CSMD1: variants seen among roughly 807,000 people sequenced by gnomAD.
CSMD1 encodes the protein CUB and sushi domain-containing protein 1.
Under a neutral mutation model 417.5 loss-of-function variants are expected in CSMD1, and 213 were observed. That is an observed-to-expected ratio of 0.51 (90% CI 0.46 to 0.57). The LOEUF (loss-of-function observed/expected upper bound fraction) is 0.57, where lower values mean the gene tolerates loss of function less well. CSMD1 is among the 20% of genes least tolerant of loss of function. CSMD1 has a pLI of 0.00. For synonymous variants in CSMD1, 2,862 were observed against 1,736.8 expected, an observed-to-expected ratio of 1.65 and a Z score of -16.11; for missense variants, 6,923 against 4,529.7, an observed-to-expected ratio of 1.53 and a Z score of -15.17.
chr8:4,053,212 G>T lies in CSMD1; in HGVS notation c.416-21113C>A, dbSNP rs192978387. Among the ~76,000 whole-genome samples the T allele has an allele frequency of 2.9e-3, 439 of 152,282 alleles. 2 individuals are homozygous for T. Among genetic ancestry groups the T allele is most frequent in the African/African-American group, 0.01 (420 of 41,556 alleles). ...TGAAAATATAACACGTTATTAAAAAGTCACTAACAACAGCACCGTGTGTTT... is the reference window on the plus strand; with the variant it reads ...TGAAAATATAACACGTTATTAAAAATTCACTAACAACAGCACCGTGTGTTT... On this transcript the variant is annotated intron_variant, in intron 3 of 69. Coordinates refer to ENST00000635120, the MANE Select transcript of CSMD1 (RefSeq NM_033225.6).
intron 49 of CSMD1, among the ~76,000 whole-genome samples, chr8:3,054,041 G>T (rs564733701): frequency 6.6e-6 from 1 of 152,084 alleles, no homozygotes; most frequent in South Asian, 2.1e-4. Flanking sequence ...CTAACCTAAG[G>T]TGACACAATG....
rs143616355 is a variant in CSMD1, at chr8:4,521,723, A to C, written c.303-101658T>G. Among the ~76,000 whole-genome samples the C allele has an allele frequency of 9.3e-4, 142 of 152,314 alleles. 3 individuals are homozygous for C. In the East Asian group the frequency reaches 0.023, roughly 24 times the overall value. ...TCTGGTATAAGCCAAACATTTCAAT[A>C]GACATAGCTCATAAGAACAGAAGGC... On this transcript the variant is annotated intron_variant, in intron 2 of 69. Transcript: ENST00000635120.
At chr8:4,108,541 G>T (rs901684726) in intron 3 of CSMD1, among the ~76,000 whole-genome samples, 1 of 152,156 alleles carries the variant, frequency 6.6e-6, no homozygotes, top group African/African-American at 2.4e-5. Flanking sequence ...AACCCCAACT[G>T]TTTTCCCAGA....
intron 2 of CSMD1, among the ~76,000 whole-genome samples, chr8:4,469,936 C>T (rs905367786): frequency 6.7e-6 from 1 of 150,040 alleles, no homozygotes; most frequent in African/African-American, 2.5e-5. Flanking sequence ...GGTGTGATCT[C>T]GGCTCACTGC....
At chr8:4,667,749 A>C (rs745789620) in intron 1 of CSMD1, among the ~76,000 whole-genome samples, 1 of 152,224 alleles carries the variant, frequency 6.6e-6, no homozygotes, top group Non-Finnish European at 1.5e-5. Flanking sequence ...GGTTTCAGTA[A>C]CATTCTTGTA....
At chr8:3,256,020 C>T (rs766469771) in intron 26 of CSMD1, among the ~76,000 whole-genome samples, 6 of 152,086 alleles carry the variant, frequency 3.9e-5, no homozygotes, top group Non-Finnish European at 7.4e-5. Context: ...CATCCAAGTA[C>T]ACATTTTTAT....
At chr8:3,719,986 A>C (rs1318980097) in intron 6 of CSMD1, among the ~76,000 whole-genome samples, 2 of 152,236 alleles carry the variant, frequency 1.3e-5, no homozygotes, top group African/African-American at 2.4e-5. Flanking sequence ...AGCTGTGGTG[A>C]AGATTACATG....
intron 3 of CSMD1, among the ~76,000 whole-genome samples, chr8:4,362,935 C>T (rs1423260947): frequency 6.6e-6 from 1 of 152,090 alleles, no homozygotes; most frequent in Non-Finnish European, 1.5e-5. Context: ...ACTGTTAGGA[C>T]AAGTCTATGT....
At chr8:4,923,270 A>C (rs535215510) in intron 1 of CSMD1, among the ~76,000 whole-genome samples, 1 of 152,214 alleles carries the variant, frequency 6.6e-6, no homozygotes, top group South Asian at 2.1e-4. Context: ...TTCACACTTG[A>C]CTCACTCATG....
At chr8:3,283,397 G>T (rs1457072961) in intron 26 of CSMD1, among the ~76,000 whole-genome samples, 1 of 152,042 alleles carries the variant, frequency 6.6e-6, no homozygotes, top group Non-Finnish European at 1.5e-5. Context: ...TTGCATCCAA[G>T]TCTAGAAATT....
chr8:3,443,742 G>C (rs942708578), intron 12 of CSMD1, among the ~76,000 whole-genome samples: 54 of 152,168 alleles, frequency 3.5e-4, no homozygotes, highest in Non-Finnish European at 6.8e-4. Flanking sequence ...TCTAGCAATG[G>C]ACAGCTTTAA....
At chr8:4,621,160 T>C (rs1293026158) in intron 2 of CSMD1, among the ~76,000 whole-genome samples, 7 of 152,202 alleles carry the variant, frequency 4.6e-5, no homozygotes, top group African/African-American at 1.4e-4. Context: ...TTTCGAATTT[T>C]GGAATATATG....
chr8:4,614,314 G>C (rs138469943), intron 2 of CSMD1, among the ~76,000 whole-genome samples: 1 of 152,266 alleles, frequency 6.6e-6, no homozygotes, highest in East Asian at 1.9e-4. Flanking sequence ...AAACTCTGTA[G>C]AAAATCCTGT....
intron 6 of CSMD1, among the ~76,000 whole-genome samples, chr8:3,737,118 T>G (rs550037374): frequency 1.3e-5 from 2 of 152,244 alleles, no homozygotes; most frequent in Admixed American, 1.3e-4. Flanking sequence ...TCCCATATTA[T>G]ATTTTAATCT....
chr8:3,411,311 A>C (rs544956946), intron 12 of CSMD1, among the ~76,000 whole-genome samples: 27 of 152,268 alleles, frequency 1.8e-4, no homozygotes, highest in African/African-American at 6.5e-4. Flanking sequence ...TGCAGGGGCC[A>C]AGAGCAAATT....
At chr8:4,440,718 G>T (rs1270585861) in intron 2 of CSMD1, among the ~76,000 whole-genome samples, 3 of 152,070 alleles carry the variant, frequency 2.0e-5, no homozygotes, top group African/African-American at 7.2e-5. Flanking sequence ...AATTCTGGCC[G>T]GGTGTGGTGG....
chr8:4,623,911 G>C (rs1419956387), intron 2 of CSMD1, among the ~76,000 whole-genome samples: 1 of 152,088 alleles, frequency 6.6e-6, no homozygotes, highest in African/African-American at 2.4e-5. Context: ...TCGTTAGCTT[G>C]ATGGTGGTGG....
At chr8:3,870,825 G>C (rs903368181) in intron 5 of CSMD1, among the ~76,000 whole-genome samples, 1 of 152,102 alleles carries the variant, frequency 6.6e-6, no homozygotes, top group Non-Finnish European at 1.5e-5. Flanking sequence ...AGGAGAGAAA[G>C]AAGCATCTCC....
chr8:4,388,596 CAG>C (rs1803630970), intron 3 of CSMD1, among the ~76,000 whole-genome samples: 1 of 151,972 alleles, frequency 6.6e-6, no homozygotes, highest in Non-Finnish European at 1.5e-5. Context: ...AAATAGGGTA[CAG>C]TGTATACTGC....
Sources: gnomAD v4.1 joint callset for allele counts (sites outside exome capture counted in the v4.1 genomes callset) on GRCh38, gnomAD v4.1.1 for gene constraint, MANE v1.5 for transcripts, NCBI Gene and HGNC (gene_info 2026-07-23, HGNC 2026-07-21) for gene names.